RANBP2: variants seen among roughly 807,000 people sequenced by gnomAD.
RANBP2 encodes the protein RAN binding protein 2.
A neutral mutation model predicts 303.6 loss-of-function variants in RANBP2; 57 were observed. The ratio of observed to expected loss-of-function variants is 0.19; its 90% CI spans 0.15 to 0.23. RANBP2 has a LOEUF of 0.23. Among genes scored for constraint, RANBP2 ranks in the 10% least tolerant of loss-of-function variants. The probability of loss-of-function intolerance (pLI) is 1.00; values close to 1 mark genes in which losing one functional copy is unlikely to be tolerated. For synonymous variants in RANBP2, 1,167 were observed against 1,301.5 expected (o/e 0.90, Z 2.23); for missense variants, 3,138 against 3,780.8 (o/e 0.83, Z 4.46).
the RANBP2 span, among the ~76,000 whole-genome samples, chr2:109,244,426 G>C: frequency 6.6e-6 from 1 of 152,168 alleles, no homozygotes; most frequent in Non-Finnish European, 1.5e-5. Context: ...AAAACCATCA[G>C]TACTGATTTT....
chr2:109,170,235 TTCTTTTCTTTTCTCTTCTC>T, the RANBP2 span, among the ~76,000 whole-genome samples: 28 of 37,886 alleles, frequency 7.4e-4, no homozygotes, highest in African/African-American at 1.4e-3. Flanking sequence ...TTCTCTTCTC[TTCTTTTCTTTTCTCTTCTC>T]TTCTCTTCTC....
At chr2:108,925,028 C>A in the RANBP2 span, among the ~76,000 whole-genome samples, 1 of 152,224 alleles carries the variant, frequency 6.6e-6, no homozygotes, top group South Asian at 2.1e-4. Flanking sequence ...CTCGCCCTTG[C>A]CTCCTCCACC....
At chr2:108,843,879 T>TGTGTGTGTGTGTG in the RANBP2 span, among the ~76,000 whole-genome samples, 3 of 126,274 alleles carry the variant, frequency 2.4e-5, no homozygotes, top group Admixed American at 1.0e-4. Flanking sequence ...TGTGTGTGTG[T>TGTGTGTGTGTGTG]TTCTTTCTTT....
chr2:108,930,336 CCTGCGGTGGGGGCT>C, the RANBP2 span: 20 of 1,505,758 alleles, frequency 1.3e-5, no homozygotes, highest in African/African-American at 6.9e-5. Flanking sequence ...AAGGGGGTGC[CCTGCGGTGGGGGCT>C]CTGCTGGGGG....
chr2:109,305,421 G>A, the RANBP2 span, among the ~76,000 whole-genome samples: 2 of 152,120 alleles, frequency 1.3e-5, no homozygotes. Flanking sequence ...GGGGAACATC[G>A]TGCTTCCTAT....
the RANBP2 span, among the ~76,000 whole-genome samples, chr2:109,326,390 C>T: frequency 6.6e-6 from 1 of 151,928 alleles, no homozygotes; most frequent in Non-Finnish European, 1.5e-5. Context: ...AGAAGTACAT[C>T]CTTACCCTGG....
At chr2:108,918,082 C>T in the RANBP2 span, among the ~76,000 whole-genome samples, 3 of 152,146 alleles carry the variant, frequency 2.0e-5, no homozygotes, top group Non-Finnish European at 4.4e-5. Context: ...TTGGGCAAAA[C>T]CCAGAATATT....
chr2:109,661,393 C>T, the RANBP2 span, among the ~76,000 whole-genome samples: 13 of 152,242 alleles, frequency 8.5e-5, no homozygotes, highest in East Asian at 1.2e-3. Context: ...ATTACAGGCG[C>T]TTGCCACCAT....
chr2:109,688,876 T>TTTCCTTCCTTCCTTCCTTCC, the RANBP2 span, among the ~76,000 whole-genome samples: 9 of 147,270 alleles, frequency 6.1e-5, no homozygotes, highest in African/African-American at 2.3e-4. Context: ...CTACATTTAT[T>TTTCCTTCCTTCCTTCCTTCC]TTCCTTCCTT....
At chr2:108,736,935 A>G (rs746170086) in intron 6 of RANBP2, among the ~76,000 whole-genome samples, 2 of 151,594 alleles carry the variant, frequency 1.3e-5, no homozygotes, top group Non-Finnish European at 2.9e-5. Context: ...CTTACATACT[A>G]CAAGGTTGGA....
At chr2:109,019,867 C>G in the RANBP2 span, among the ~76,000 whole-genome samples, 1 of 152,172 alleles carries the variant, frequency 6.6e-6, no homozygotes, top group African/African-American at 2.4e-5. Context: ...GTTTTGGCTC[C>G]TGTTTCAAGG....
intron 18 of RANBP2, among the ~76,000 whole-genome samples, chr2:108,760,973 A>G (rs185897571): frequency 3.9e-4 from 60 of 151,956 alleles, no homozygotes; most frequent in Non-Finnish European, 3.4e-4. Context: ...CTTGAGGCCT[A>G]TTAACATTTC....
At chr2:109,572,359 T>TCA in the RANBP2 span, among the ~76,000 whole-genome samples, 1 of 152,176 alleles carries the variant, frequency 6.6e-6, no homozygotes, top group East Asian at 1.9e-4. Flanking sequence ...GGTCTCGATC[T>TCA]CCTGACCTTG....
At chr2:109,385,359 CCT>C in the RANBP2 span, among the ~76,000 whole-genome samples, 1 of 152,312 alleles carries the variant, frequency 6.6e-6, no homozygotes, top group African/African-American at 2.4e-5. Flanking sequence ...CCCAGTGTCC[CCT>C]GAGTCACCTC....
the RANBP2 span, among the ~76,000 whole-genome samples, chr2:109,603,944 G>A: frequency 4.0e-5 from 6 of 151,624 alleles, no homozygotes; most frequent in Admixed American, 2.0e-4. Context: ...GGCGGATCAC[G>A]AGGTCAGGAG....
the RANBP2 span, among the ~76,000 whole-genome samples, chr2:109,393,982 C>T: frequency 1.3e-5 from 2 of 152,058 alleles, no homozygotes; most frequent in South Asian, 2.1e-4. Context: ...CAGGGCTGGC[C>T]GCACCTCCCC....
At chr2:109,474,740 G>A in the RANBP2 span, among the ~76,000 whole-genome samples, 2 of 152,240 alleles carry the variant, frequency 1.3e-5, no homozygotes, top group Admixed American at 6.5e-5. Context: ...CAGTGGGGCA[G>A]AGCCAGATGG....
chr2:109,042,047 T>C, the RANBP2 span, among the ~76,000 whole-genome samples: 2 of 152,110 alleles, frequency 1.3e-5, no homozygotes, highest in African/African-American at 4.8e-5. Context: ...TAGTTTGGGG[T>C]TTCCACATCT....
At chr2:109,540,862 A>G in the RANBP2 span, among the ~76,000 whole-genome samples, 1 of 150,998 alleles carries the variant, frequency 6.6e-6, no homozygotes, top group Non-Finnish European at 1.5e-5. Context: ...ACCTTTTCCC[A>G]TCTTCTTTTA....
Sources: allele counts gnomAD v4.1 joint callset (sites outside exome capture counted in the v4.1 genomes callset), GRCh38; gene constraint gnomAD v4.1.1; transcripts MANE v1.5; gene names NCBI Gene and HGNC (gene_info 2026-07-23, HGNC 2026-07-21).